The following CAST variants were observed in gnomAD, a reference collection of about 807,000 sequenced individuals.
The protein encoded by CAST is calpastatin.
Under a neutral mutation model 119.6 loss-of-function variants are expected in CAST, and 76 were observed. The ratio of observed to expected loss-of-function variants is 0.64; its 90% CI spans 0.53 to 0.77. The LOEUF (loss-of-function observed/expected upper bound fraction) is 0.77. Ranked by LOEUF, CAST falls within the 30% of genes least tolerant of loss-of-function variation. The pLI, the probability that CAST is intolerant of heterozygous loss-of-function variation, is 0.00. For synonymous variants in CAST, 319 were observed against 331.6 expected (o/e 0.96, Z 0.41); for missense variants, 953 against 946.5 (o/e 1.01, Z -0.09).
At chr5:96,355,280 G>A in the CAST span, among the ~76,000 whole-genome samples, 1 of 151,860 alleles carries the variant, frequency 6.6e-6, no homozygotes, top group East Asian at 1.9e-4. Flanking sequence ...AACATGCGGT[G>A]TTTGTTTTCT....
the CAST span, chr5:96,392,989 C>A: frequency 9.3e-6 from 15 of 1,613,670 alleles, no homozygotes; most frequent in Non-Finnish European, 1.2e-5. Context: ...AACTTGGGAC[C>A]ACACACTTAT....
At chr5:96,142,918 T>C in the CAST span, among the ~76,000 whole-genome samples, 1 of 152,084 alleles carries the variant, frequency 6.6e-6, no homozygotes, top group African/African-American at 2.4e-5. Context: ...CAGTCAGACA[T>C]CCAAAAGGAG....
At chr5:96,767,791 C>T in intron 28 of CAST, 116 bp from the exon 29 acceptor site, 2 of 661,522 alleles carry the variant, frequency 3.0e-6, no homozygotes, top group Non-Finnish European at 2.7e-6. Flanking sequence ...TAAAGAATGT[C>T]AGTCAGTTTT....
chr5:96,570,875 A>G (rs1303278251), intron 1 of CAST, among the ~76,000 whole-genome samples: 1 of 152,170 alleles, frequency 6.6e-6, no homozygotes, highest in African/African-American at 2.4e-5. Flanking sequence ...TGGAGGGTGA[A>G]TGCTGTCACA....
chr5:96,421,165 C>G, the CAST span, among the ~76,000 whole-genome samples: 1 of 152,222 alleles, frequency 6.6e-6, no homozygotes, highest in East Asian at 1.9e-4. Context: ...TCTCTTGCCT[C>G]TGGGTCTTTC....
chr5:96,644,980 C>A (rs1377367583), intron 1 of CAST, among the ~76,000 whole-genome samples: 1 of 152,228 alleles, frequency 6.6e-6, no homozygotes, highest in East Asian at 1.9e-4. Context: ...TCTCAAAAAA[C>A]AAACAAACAA....
chr5:96,678,771 C>A (rs578255080), intron 2 of CAST, among the ~76,000 whole-genome samples: 1 of 151,886 alleles, frequency 6.6e-6, no homozygotes, highest in African/African-American at 2.4e-5. Flanking sequence ...CACTTGAACC[C>A]GGGAGGCAGA....
chr5:96,582,094 G>T (rs1746780425), intron 1 of CAST, among the ~76,000 whole-genome samples: 1 of 152,094 alleles, frequency 6.6e-6, no homozygotes, highest in South Asian at 2.1e-4. Context: ...TCTTGCACAG[G>T]ACATCTTGCA....
chr5:96,666,257 A>AACACAC (rs10529318), intron 1 of CAST, among the ~76,000 whole-genome samples: 36,596 of 149,910 alleles, frequency 0.24, 4,453 homozygotes, highest in South Asian at 0.29. Context: ...GGTTGTAGTA[A>AACACAC]ACACACACAC....
chr5:96,162,279 A>C, the CAST span, among the ~76,000 whole-genome samples: 1 of 152,196 alleles, frequency 6.6e-6, no homozygotes, highest in Admixed American at 6.5e-5. Flanking sequence ...ATTTTGAGAA[A>C]GTCTCATTTC....
chr5:96,494,899 C>T, the CAST span, among the ~76,000 whole-genome samples: 2 of 152,116 alleles, frequency 1.3e-5, no homozygotes, highest in African/African-American at 2.4e-5. Context: ...GGGCGGATCA[C>T]GAGGTCAGGA....
At chr5:96,430,473 T>C in the CAST span, among the ~76,000 whole-genome samples, 1 of 152,176 alleles carries the variant, frequency 6.6e-6, no homozygotes, top group South Asian at 2.1e-4. Context: ...TGGATGGAAC[T>C]GGGGAGAGAA....
chr5:96,281,356 TCTGC>T, the CAST span, among the ~76,000 whole-genome samples: 1 of 152,210 alleles, frequency 6.6e-6, no homozygotes, highest in South Asian at 2.1e-4. Context: ...TTGTTTTTGC[TCTGC>T]CTTTCTCTGA....
chr5:96,500,373 A>G, the CAST span, among the ~76,000 whole-genome samples: 5 of 152,344 alleles, frequency 3.3e-5, no homozygotes, highest in East Asian at 9.6e-4. Context: ...ATATTTATTA[A>G]CAGTTCTACT....
the CAST span, chr5:95,961,975 A>C: frequency 7.1e-6 from 3 of 420,360 alleles, no homozygotes; most frequent in South Asian, 7.8e-5. Context: ...GCCGCCCTCC[A>C]CTCTCACGGG....
the CAST span, among the ~76,000 whole-genome samples, chr5:96,128,046 A>C: frequency 1.1e-4 from 16 of 152,120 alleles, no homozygotes; most frequent in Non-Finnish European, 2.2e-4. Flanking sequence ...CTGTCTGGGA[A>C]AGAGACACTG....
chr5:96,457,675 ACT>A, the CAST span, among the ~76,000 whole-genome samples: 1 of 151,982 alleles, frequency 6.6e-6, no homozygotes, highest in African/African-American at 2.4e-5. Context: ...GGCATTCTTG[ACT>A]CTCTTTTCTC....
At chr5:96,626,402 A>C (rs1212435097) in intron 1 of CAST, among the ~76,000 whole-genome samples, 1 of 152,114 alleles carries the variant, frequency 6.6e-6, no homozygotes, top group Non-Finnish European at 1.5e-5. Context: ...ATATGAATGC[A>C]CCATAACTGA....
At chr5:96,767,720 G>GAA (rs1770509334) in intron 28 of CAST, among the ~76,000 whole-genome samples, 187 bp from the exon 29 acceptor site, 1 of 151,796 alleles carries the variant, frequency 6.6e-6, no homozygotes, top group South Asian at 2.1e-4. Flanking sequence ...AAGAGTAGAT[G>GAA]GAAAAAAAGC....
Sources: allele counts gnomAD v4.1 joint callset (sites outside exome capture counted in the v4.1 genomes callset), GRCh38; gene constraint gnomAD v4.1.1; transcripts MANE v1.5; gene names NCBI Gene and HGNC (gene_info 2026-07-23, HGNC 2026-07-21).